The following SUGCT variants were observed in gnomAD, a reference collection of about 807,000 sequenced individuals.
SUGCT encodes the protein succinyl-CoA:glutarate-CoA transferase.
SUGCT carries 41 observed loss-of-function variants against 55.0 expected under a neutral mutation model. The observed-to-expected ratio is 0.74, with a 90% confidence interval of 0.58 to 0.97. The LOEUF (loss-of-function observed/expected upper bound fraction) is 0.97, where lower values mean the gene tolerates loss of function less well. Ranked by LOEUF, SUGCT falls within the 50% of genes least tolerant of loss-of-function variation. The pLI, the probability that SUGCT is intolerant of heterozygous loss-of-function variation, is 0.00. For missense variants in SUGCT, 568 were observed against 547.8 expected, an observed-to-expected ratio of 1.04 and a Z score of -0.37; for synonymous variants, 187 against 200.4, an observed-to-expected ratio of 0.93 and a Z score of 0.56.
intron 9 of SUGCT, among the ~76,000 whole-genome samples, chr7:40,353,470 C>G (rs971242230): frequency 6.6e-6 from 1 of 152,058 alleles, no homozygotes; most frequent in African/African-American, 2.4e-5. Context: ...TGCAAACAAA[C>G]AAAAACAACT....
the SUGCT span, among the ~76,000 whole-genome samples, chr7:41,019,896 C>T: frequency 6.6e-6 from 1 of 152,130 alleles, no homozygotes; most frequent in Admixed American, 6.5e-5. Flanking sequence ...CAGTAATCCC[C>T]TCTGTCTATA....
intron 13 of SUGCT, among the ~76,000 whole-genome samples, chr7:40,813,003 C>T (rs1387021452): frequency 6.6e-6 from 1 of 151,814 alleles, no homozygotes; most frequent in Non-Finnish European, 1.5e-5. Context: ...CAAGTTCTTT[C>T]ATTTGCCCTT....
At chr7:40,892,699 A>G in the SUGCT span, among the ~76,000 whole-genome samples, 1 of 152,020 alleles carries the variant, frequency 6.6e-6, no homozygotes, top group African/African-American at 2.4e-5. Context: ...ACACTTGACT[A>G]ATTAAAAAAA....
chr7:40,245,404 C>CACACATATATAT lies in SUGCT; in HGVS notation c.576+7679_576+7680insCACATATATATA, dbSNP rs1252155153. 1.5e-4 allele frequency among the ~76,000 whole-genome samples: 8 copies of CACACATATATAT among 53,324 alleles called. 1 individual carries two copies. The highest frequency in any genetic ancestry group is 7.4e-4 in the African/African-American group (8 of 10,814). 35.0% of individuals were successfully genotyped at this position (53,324 alleles called of 152,430 possible). A position where few individuals can be genotyped will look rare whatever the true frequency, so the allele number is the denominator to read the frequency against. ...TAAATTTTTATAGGTACGTAGTAGA[C>CACACATATATAT]ATATATATATATATATATATTTTTT... On this transcript the variant is annotated intron_variant, in intron 7 of 13. Coordinates refer to ENST00000335693, the MANE Select transcript of SUGCT (RefSeq NM_001193313.2).
At chr7:40,492,873 A>G (rs1030631018) in intron 11 of SUGCT, among the ~76,000 whole-genome samples, 3 of 152,160 alleles carry the variant, frequency 2.0e-5, no homozygotes, top group Non-Finnish European at 4.4e-5. Flanking sequence ...CCATTAGACT[A>G]TATGAACTCT....
intron 1 of SUGCT, among the ~76,000 whole-genome samples, chr7:40,146,405 G>A (rs1002186904): frequency 3.9e-5 from 6 of 152,184 alleles, no homozygotes; most frequent in African/African-American, 1.2e-4. Context: ...AGACACACAC[G>A]CAGAAATATA....
chr7:40,329,007 A>G (rs1227264391), intron 9 of SUGCT, among the ~76,000 whole-genome samples: 1 of 152,138 alleles, frequency 6.6e-6, no homozygotes, highest in Non-Finnish European at 1.5e-5. Context: ...AGGGCTCTTT[A>G]GCTCAAATAA....
intron 12 of SUGCT, 74 bp from the exon 13 acceptor site, chr7:40,749,360 T>C: frequency 1.8e-6 from 2 of 1,140,228 alleles, no homozygotes; most frequent in Non-Finnish European, 1.3e-6. Flanking sequence ...ACTGAATAGA[T>C]GGCTGTCCAT....
intron 7 of SUGCT, among the ~76,000 whole-genome samples, chr7:40,261,866 A>C (rs1042200099): frequency 2.6e-5 from 4 of 152,270 alleles, no homozygotes; most frequent in Non-Finnish European, 5.9e-5. Flanking sequence ...ACTGTAGCAC[A>C]GAAACTGTAA....
intron 6 of SUGCT, among the ~76,000 whole-genome samples, chr7:40,232,431 A>ATT (rs1403401357): frequency 1.3e-5 from 2 of 152,156 alleles, no homozygotes; most frequent in Admixed American, 1.3e-4. Context: ...ATGAGCATGT[A>ATT]TTCAATTACT....
chr7:40,272,141 C>CATAT (rs58480323), intron 7 of SUGCT, among the ~76,000 whole-genome samples: 88 of 46,696 alleles, frequency 1.9e-3, no homozygotes, highest in African/African-American at 2.5e-3. Flanking sequence ...TGCAATGTGA[C>CATAT]ATATATATAT....
At chr7:40,390,488 A>G (rs1583579247) in intron 9 of SUGCT, among the ~76,000 whole-genome samples, 2 of 152,340 alleles carry the variant, frequency 1.3e-5, no homozygotes, top group Admixed American at 1.3e-4. Flanking sequence ...CTATACACTG[A>G]TAACAGACAA....
chr7:40,157,822 CACTT>C (rs1331082826), intron 1 of SUGCT, among the ~76,000 whole-genome samples: 21 of 152,266 alleles, frequency 1.4e-4, no homozygotes, highest in African/African-American at 4.1e-4. Context: ...GCTTAACTGT[CACTT>C]AAATAATGAT....
chr7:41,008,456 C>T, the SUGCT span, among the ~76,000 whole-genome samples: 7 of 152,162 alleles, frequency 4.6e-5, no homozygotes, highest in Non-Finnish European at 8.8e-5. Context: ...CCTCTCAGCA[C>T]AGAAGAAAAC....
chr7:40,620,347 T>C (rs900479582), intron 12 of SUGCT, among the ~76,000 whole-genome samples: 4 of 152,342 alleles, frequency 2.6e-5, no homozygotes, highest in African/African-American at 9.6e-5. Flanking sequence ...CCTCATTTTC[T>C]ATCTCTATAA....
chr7:40,981,580 C>A, the SUGCT span, among the ~76,000 whole-genome samples: 2 of 152,168 alleles, frequency 1.3e-5, no homozygotes, highest in Admixed American at 6.5e-5. Flanking sequence ...TCTTGCTTAA[C>A]AAATTCCTTC....
chr7:40,485,734 G>A (rs1791305441), intron 11 of SUGCT, among the ~76,000 whole-genome samples: 1 of 152,092 alleles, frequency 6.6e-6, no homozygotes, highest in African/African-American at 2.4e-5. Context: ...TACCTAATTT[G>A]TGGAGGGTTT....
chr7:40,854,389 A>G (rs1423858619), intron 13 of SUGCT, among the ~76,000 whole-genome samples: 1 of 138,940 alleles, frequency 7.2e-6, no homozygotes, highest in Admixed American at 7.3e-5. Flanking sequence ...TTGTGTATCA[A>G]AATTTTTTTC....
the SUGCT span, among the ~76,000 whole-genome samples, chr7:40,935,443 TC>T: frequency 6.6e-6 from 1 of 152,164 alleles, no homozygotes; most frequent in African/African-American, 2.4e-5. Flanking sequence ...CAACCACTAT[TC>T]TAATTTTTAT....
Sources: gnomAD v4.1 joint callset for allele counts (sites outside exome capture counted in the v4.1 genomes callset) on GRCh38, gnomAD v4.1.1 for gene constraint, MANE v1.5 for transcripts, NCBI Gene and HGNC (gene_info 2026-07-23, HGNC 2026-07-21) for gene names.